Variants in THRB observed in about 807,000 individuals in gnomAD.
THRB encodes nuclear receptor subfamily 1 group A member 2.
Under a neutral mutation model 47.8 loss-of-function variants are expected in THRB, and 12 were observed. That is an observed-to-expected ratio of 0.25 (90% confidence interval 0.16 to 0.41). THRB has a LOEUF of 0.41. THRB is among the 10% of genes least tolerant of loss of function. The pLI, the probability that THRB is intolerant of heterozygous loss-of-function variation, is 1.00. For synonymous variants in THRB, 218 were observed against 212.2 expected (o/e 1.03, Z -0.24); for missense variants, 348 against 589.2 (o/e 0.59, Z 4.24).
intron 8 of THRB, among the ~76,000 whole-genome samples, chr3:24,137,523 A>C (rs2034835040): frequency 6.6e-6 from 1 of 152,192 alleles, no homozygotes; most frequent in Non-Finnish European, 1.5e-5. Flanking sequence ...GAGGAATGTC[A>C]AGGAAGTAGC....
In THRB at chr3:24,190,080, A is replaced by T; in HGVS notation, c.277T>A (p.Cys93Ser). 1 of 1,613,920 alleles carries T rather than the reference A, an allele frequency of 6.2e-7. No individual in the cohort carries two copies. Among genetic ancestry groups the T allele is most frequent in the Non-Finnish European group, 8.5e-7 (1 of 1,179,880 alleles). ...CTAATAAAAATCTGGTTACCTTTAC[A>T]TTTCTTCTCCTCCGTTTGGAAGGTC... is the stretch of plus-strand genomic sequence containing the variant. ...AQTFQTEEKK[C>S]KGYIPSYLDK... Residue 93 changes from cysteine to serine, a missense_variant, in exon 5 of 11, where the codon TGT (cysteine) becomes AGT (serine). Cys to Ser is a moderately radical substitution (Grantham distance 112). Transcript: ENST00000646209.
At chr3:24,302,484 G>T (rs1411579268) in intron 2 of THRB, among the ~76,000 whole-genome samples, 7 of 152,126 alleles carry the variant, frequency 4.6e-5, no homozygotes. Flanking sequence ...TGTAAATAAA[G>T]TATACCACAT....
chr3:24,118,225 C>G lies in THRB; in HGVS notation c.*4659G>C, dbSNP rs1303451601. On this transcript the variant is annotated 3_prime_UTR_variant, in exon 11 of 11. Coordinates refer to ENST00000646209, the MANE Select transcript of THRB (RefSeq NM_001354712.2). ...GACAGGAAAATATATCTGTTATAAG[C>G]TTTTTCTTTTTTAGAATTTAAGCTT... The G allele has an allele frequency of 6.6e-6, 1 of 152,618 alleles. No homozygotes were observed. The highest frequency in any genetic ancestry group is 2.4e-5 in the African/African-American group (1 of 41,448). 9.5% of individuals were successfully genotyped at this position (152,618 alleles called of 1,614,324 possible).
intron 3 of THRB, among the ~76,000 whole-genome samples, chr3:24,288,345 T>C (rs927213723): frequency 6.6e-6 from 1 of 152,238 alleles, no homozygotes; most frequent in Non-Finnish European, 1.5e-5. Context: ...ACATCTGAAC[T>C]ATTTACACAT....
At chr3:24,313,792 T>TA (rs2057923630) in intron 2 of THRB, among the ~76,000 whole-genome samples, 2 of 150,766 alleles carry the variant, frequency 1.3e-5, no homozygotes, top group African/African-American at 2.5e-5. Flanking sequence ...AAGGCTTTTT[T>TA]TAAAAAAAAA....
In THRB at chr3:24,419,675, T is replaced by C. The variant is rs558022655; in HGVS notation, c.-261+74977A>G. Among the ~76,000 whole-genome samples, 4 of 152,042 alleles carry C rather than the reference T, an allele frequency of 2.6e-5. No individual in the cohort carries two copies. The East Asian group carries it at 7.8e-4, about 30-fold the overall frequency. On this transcript the variant is annotated intron_variant, in intron 1 of 10. Transcript: ENST00000646209. ...TGCAATTAGCTTATAAAAATAACAT[T>C]GCATAGTCCTTTGTCCAGTAATTCT...
intron 4 of THRB, among the ~76,000 whole-genome samples, chr3:24,197,751 C>T (rs1198666572): frequency 2.0e-5 from 3 of 152,176 alleles, no homozygotes; most frequent in Non-Finnish European, 2.9e-5. Flanking sequence ...GCAGAGTCAG[C>T]CATAACTGGT....
chr3:24,391,716 A>G (rs908819159), intron 1 of THRB, among the ~76,000 whole-genome samples: 2 of 151,982 alleles, frequency 1.3e-5, no homozygotes, highest in Non-Finnish European at 2.9e-5. Flanking sequence ...TCCGTCCTCC[A>G]TTTTCAAAAT....
chr3:24,165,131 G>T lies in THRB; in HGVS notation c.284-12641C>A. 3.9e-6 allele frequency: 3 copies of T among 765,098 alleles called. No individual in the cohort carries two copies. The South Asian group carries it at 4.0e-5, about 10-fold the overall frequency. The allele number at this position is 765,098 out of a possible 1,614,324, so 47.4% of individuals were successfully genotyped here. On this transcript the variant is annotated intron_variant, in intron 5 of 10. Coordinates refer to ENST00000646209, the MANE Select transcript of THRB (RefSeq NM_001354712.2). ...TTGATTCAGGGCCATGTCCAAGTCA[G>T]AGTCCTTGCTTTTAAACATGTTTCC...
At chr3:24,476,260 G>T (rs762111982) in intron 1 of THRB, among the ~76,000 whole-genome samples, 2 of 152,166 alleles carry the variant, frequency 1.3e-5, no homozygotes, top group Admixed American at 6.5e-5. Flanking sequence ...GCTTCACCCA[G>T]ATCACACCTG....
intron 3 of THRB, among the ~76,000 whole-genome samples, chr3:24,272,025 T>C (rs2053385917): frequency 6.6e-6 from 1 of 152,154 alleles, no homozygotes; most frequent in Admixed American, 6.5e-5. Context: ...AATCTTTGGA[T>C]GGATAGGATT....
chr3:24,276,502 T>A (rs1194781515), intron 3 of THRB, among the ~76,000 whole-genome samples: 1 of 152,204 alleles, frequency 6.6e-6, no homozygotes, highest in Non-Finnish European at 1.5e-5. Flanking sequence ...AAATCTACAT[T>A]TTGTTATCTG....
At chr3:24,195,022 G>C (rs2043797169) in intron 4 of THRB, among the ~76,000 whole-genome samples, 1 of 152,206 alleles carries the variant, frequency 6.6e-6, no homozygotes, top group Admixed American at 6.5e-5. Context: ...AACGTGCTTT[G>C]TAAACCCAGA....
intron 1 of THRB, among the ~76,000 whole-genome samples, chr3:24,363,646 T>A (rs1337843157): frequency 6.6e-6 from 1 of 152,180 alleles, no homozygotes; most frequent in Admixed American, 6.5e-5. Flanking sequence ...AAAAGATATA[T>A]AAGCAGGAAA....
At chr3:24,359,182 T>C (rs905252692) in intron 1 of THRB, among the ~76,000 whole-genome samples, 18 of 152,116 alleles carry the variant, frequency 1.2e-4, no homozygotes, top group Admixed American at 2.0e-4. Flanking sequence ...TAATTAAGGA[T>C]ACTCAGTGAA....
chr3:24,465,471 C>T (rs62228849), intron 1 of THRB, among the ~76,000 whole-genome samples: 2,366 of 152,196 alleles, frequency 0.016, 25 homozygotes, highest in Non-Finnish European at 0.024. Flanking sequence ...GGCATTATCT[C>T]GGCTCACTGC....
intron 8 of THRB, among the ~76,000 whole-genome samples, chr3:24,139,095 G>A (rs2035083497): frequency 6.6e-6 from 1 of 152,184 alleles, no homozygotes; most frequent in African/African-American, 2.4e-5. Context: ...GCCTGCTTCT[G>A]CTTTTCATCC....
chr3:24,332,915 C>A (rs1344876601), intron 2 of THRB, among the ~76,000 whole-genome samples: 2 of 151,982 alleles, frequency 1.3e-5, no homozygotes, highest in African/African-American at 4.8e-5. Context: ...AATTAGCCAT[C>A]TCTACTAAAA....
chr3:24,200,230 C>T (rs1187253243), intron 4 of THRB, among the ~76,000 whole-genome samples: 3 of 152,120 alleles, frequency 2.0e-5, no homozygotes, highest in Non-Finnish European at 2.9e-5. Context: ...AATGTTTATT[C>T]TTGATGCCAG....
Sources: gnomAD v4.1 joint callset for allele counts (sites outside exome capture counted in the v4.1 genomes callset) on GRCh38, gnomAD v4.1.1 for gene constraint, MANE v1.5 for transcripts, NCBI Gene and HGNC (gene_info 2026-07-23, HGNC 2026-07-21) for gene names.